Variants in PSMA1 observed in about 807,000 individuals in gnomAD.
PSMA1 encodes the protein proteasome subunit alpha type-1.
PSMA1 carries 3 observed loss-of-function variants against 38.4 expected under a neutral mutation model. The observed-to-expected ratio is 0.08, with a 90% CI of 0.04 to 0.20. PSMA1 has a LOEUF of 0.20. Ranked by LOEUF, PSMA1 falls within the 10% of genes least tolerant of loss-of-function variation. The pLI is 1.00. For synonymous variants in PSMA1, 101 were observed against 107.1 expected (o/e 0.94, Z 0.35); for missense variants, 227 against 325.3 (o/e 0.70, Z 2.32).
At chr11:14,616,587 GAAAT>G (rs1852776983) in intron 1 of PSMA1, among the ~76,000 whole-genome samples, 1 of 151,980 alleles carries the variant, frequency 6.6e-6, no homozygotes, top group East Asian at 1.9e-4. Flanking sequence ...AACAAATTGA[GAAAT>G]AAGATTACAA....
chr11:14,635,091 G>C (rs1336185130), intron 1 of PSMA1, among the ~76,000 whole-genome samples: 1 of 152,122 alleles, frequency 6.6e-6, no homozygotes, highest in African/African-American at 2.4e-5. Context: ...TGGCTTGCTG[G>C]TCTGGACAAC....
At chr11:14,620,630 A>G (rs2134203167) in intron 1 of PSMA1, among the ~76,000 whole-genome samples, 1 of 152,344 alleles carries the variant, frequency 6.6e-6, no homozygotes, top group Middle Eastern at 3.4e-3. Flanking sequence ...AAAGCAGCAA[A>G]GCAATTTCCC....
intron 2 of PSMA1, among the ~76,000 whole-genome samples, chr11:14,536,441 C>T (rs989622639): frequency 2.0e-5 from 3 of 151,606 alleles, no homozygotes; most frequent in Non-Finnish European, 2.9e-5. Flanking sequence ...GCAAGAGAAT[C>T]GCTTGAACCC....
At chr11:14,622,047 C>T (rs1185085730) in intron 1 of PSMA1, among the ~76,000 whole-genome samples, 2 of 152,162 alleles carry the variant, frequency 1.3e-5, no homozygotes, top group Admixed American at 6.5e-5. Flanking sequence ...TCATAAAATA[C>T]ATATAGAATA....
chr11:14,631,341 G>T (rs1853007199), intron 1 of PSMA1, among the ~76,000 whole-genome samples: 1 of 152,006 alleles, frequency 6.6e-6, no homozygotes, highest in African/African-American at 2.4e-5. Flanking sequence ...CTTTGAATGT[G>T]TCCCAGAGAT....
chr11:14,630,360 A>ATTTAG (rs1852986436), intron 1 of PSMA1, among the ~76,000 whole-genome samples: 1 of 152,196 alleles, frequency 6.6e-6, no homozygotes, highest in Non-Finnish European at 1.5e-5. Context: ...ATTTATTGAG[A>ATTTAG]GTTTTTAGCA....
chr11:14,579,663 T>A lies in PSMA1; in HGVS notation c.21+31303A>T, dbSNP rs373637934. ...CAACTAAGGAATTGAGAGGAGTATG[T>A]CTTGATTAGAGTTTCCATGTCTAGA... On this transcript the variant is annotated intron_variant, in intron 2 of 10. Coordinates refer to the PSMA1 transcript ENST00000418988. Among the ~76,000 whole-genome samples, 13 of 152,222 alleles carry A rather than the reference T, an allele frequency of 8.5e-5. No homozygotes were observed. In the East Asian group the frequency reaches 2.3e-3, roughly 27 times the overall value.
At chr11:14,583,382 C>T (rs578145657) in intron 2 of PSMA1, among the ~76,000 whole-genome samples, 140 of 152,278 alleles carry the variant, frequency 9.2e-4, no homozygotes, top group African/African-American at 3.2e-3. Flanking sequence ...ATCTCTAAGC[C>T]GTGTACACTG....
chr11:14,557,813 G>C (rs1851957692), intron 2 of PSMA1, among the ~76,000 whole-genome samples: 1 of 152,164 alleles, frequency 6.6e-6, no homozygotes, highest in African/African-American at 2.4e-5. Context: ...TTGGGAAGAA[G>C]ATCTGGGGAT....
In PSMA1 at chr11:14,505,144, C is replaced by A. The variant is rs760873253; in HGVS notation, c.*48G>T. ...AGATTATTGTCATCAGTATGTGGTG[C>A]CTGTATTCTTACATATTTGATAATA... On this transcript the variant is annotated 3_prime_UTR_variant, in exon 10 of 10. Coordinates refer to ENST00000396394, the MANE Select transcript of PSMA1 (RefSeq NM_002786.4). 3.7e-5 allele frequency: 54 copies of A among 1,457,826 alleles called. No individual in the cohort carries two copies. The highest frequency in any genetic ancestry group is 4.7e-5 in the Non-Finnish European group (49 of 1,038,488). The allele number at this position is 1,457,826 out of a possible 1,614,324, so 90.3% of individuals were successfully genotyped here.
chr11:14,564,706 T>C (rs1852048531), intron 2 of PSMA1, among the ~76,000 whole-genome samples: 2 of 152,214 alleles, frequency 1.3e-5, no homozygotes, highest in Admixed American at 1.3e-4. Context: ...ATTTGGGGGC[T>C]ATTTTTTATT....
chr11:14,614,176 G>A (rs1852742116), intron 1 of PSMA1, among the ~76,000 whole-genome samples: 1 of 152,066 alleles, frequency 6.6e-6, no homozygotes, highest in South Asian at 2.1e-4. Flanking sequence ...TTTAAAAACT[G>A]AGGGTTGTTT....
At chr11:14,521,396 G>A (rs1156555383), upstream of PSMA1, among the ~76,000 whole-genome samples, 3 of 151,602 alleles carry the variant, frequency 2.0e-5, no homozygotes, top group East Asian at 3.9e-4. Flanking sequence ...GGAAGCTGAT[G>A]TGGGAGGATC....
chr11:14,598,630 G>C (rs930370927), intron 2 of PSMA1, among the ~76,000 whole-genome samples: 2 of 147,466 alleles, frequency 1.4e-5, no homozygotes, highest in Non-Finnish European at 3.0e-5. Flanking sequence ...TTGAGCCTAC[G>C]TATGTCTCTG....
chr11:14,609,784 TG>T (rs1169506573), intron 2 of PSMA1, among the ~76,000 whole-genome samples: 2 of 152,146 alleles, frequency 1.3e-5, no homozygotes, highest in African/African-American at 2.4e-5. Context: ...GGGCAGACCA[TG>T]TAGTGTTCAT....
chr11:14,580,378 A>G (rs1453014772), intron 2 of PSMA1, among the ~76,000 whole-genome samples: 2 of 152,158 alleles, frequency 1.3e-5, no homozygotes, highest in Non-Finnish European at 2.9e-5. Context: ...TCTCTGCTGG[A>G]TAATTCCTGC....
intron 1 of PSMA1, among the ~76,000 whole-genome samples, chr11:14,642,098 CATACA>C (rs1224603599): frequency 6.6e-5 from 10 of 151,356 alleles, no homozygotes; most frequent in African/African-American, 2.5e-4. Context: ...TGCCCACACA[CATACA>C]CGCACATGCA....
chr11:14,521,780 A>AC (rs1436336687), upstream of PSMA1, among the ~76,000 whole-genome samples: 4 of 148,286 alleles, frequency 2.7e-5, no homozygotes, highest in African/African-American at 5.0e-5. Flanking sequence ...AAAAAAAAAC[A>AC]AAAAACAAAG....
intron 1 of PSMA1, among the ~76,000 whole-genome samples, chr11:14,638,539 CTCTCTCTATATATATATATATA>C (rs1245334536): frequency 2.8e-3 from 54 of 19,190 alleles, no homozygotes; most frequent in East Asian, 3.8e-3. Context: ...CTCTCTCTCT[CTCTCTCTATATATATATATATA>C]TATATATATA....
Sources: gnomAD v4.1 joint callset for allele counts (sites outside exome capture counted in the v4.1 genomes callset) on GRCh38, gnomAD v4.1.1 for gene constraint, MANE v1.5 for transcripts, NCBI Gene and HGNC (gene_info 2026-07-23, HGNC 2026-07-21) for gene names.